KCNQ5: variants seen among roughly 807,000 people sequenced by gnomAD.
KCNQ5 encodes potassium voltage-gated channel subfamily KQT member 5.
A neutral mutation model predicts 98.2 loss-of-function variants in KCNQ5; 30 were observed. The observed-to-expected ratio is 0.31, with a 90% CI of 0.23 to 0.41. The LOEUF (loss-of-function observed/expected upper bound fraction) is 0.41. KCNQ5 is among the 10% of genes least tolerant of loss of function. The pLI is 1.00. For synonymous variants in KCNQ5, 458 were observed against 449.4 expected, an observed-to-expected ratio of 1.02 and a Z score of -0.24; for missense variants, 835 against 1,182.5, an observed-to-expected ratio of 0.71 and a Z score of 4.31.
At chr6:72,678,586 C>T (rs952874611) in intron 1 of KCNQ5, 3 of 152,046 alleles carry the variant, frequency 2.0e-5, no homozygotes, top group East Asian at 3.9e-4. Context: ...ATAAAAATTA[C>T]ATTATTCCAT....
At chr6:72,857,897 A>G (rs1777597423) in intron 1 of KCNQ5, among the ~76,000 whole-genome samples, 1 of 152,250 alleles carries the variant, frequency 6.6e-6, no homozygotes, top group Non-Finnish European at 1.5e-5. Context: ...CATTTCTTGA[A>G]TGCCTACTAT....
intron 1 of KCNQ5, among the ~76,000 whole-genome samples, chr6:72,750,041 G>A (rs184256083): frequency 6.4e-4 from 98 of 152,108 alleles, no homozygotes; most frequent in African/African-American, 2.2e-3. Flanking sequence ...TCATAAAACC[G>A]TGGTCTGTAT....
intron 1 of KCNQ5, among the ~76,000 whole-genome samples, chr6:72,907,336 A>G (rs1427740422): frequency 6.6e-6 from 1 of 152,198 alleles, no homozygotes; most frequent in Non-Finnish European, 1.5e-5. Context: ...AATAAATAAT[A>G]AAAGTCCATC....
intron 9 of KCNQ5, among the ~76,000 whole-genome samples, chr6:73,126,468 A>G (rs1259248130): frequency 6.6e-6 from 1 of 152,246 alleles, no homozygotes; most frequent in Non-Finnish European, 1.5e-5. Flanking sequence ...GCTTCTGCTC[A>G]CTAGTCCAAA....
At chr6:72,704,100 C>T (rs1193791372) in intron 1 of KCNQ5, among the ~76,000 whole-genome samples, 3 of 152,098 alleles carry the variant, frequency 2.0e-5, no homozygotes, top group East Asian at 3.8e-4. Context: ...GAATTTTTAA[C>T]AACAGTTTCT....
At chr6:72,899,118 A>G (rs985411541) in intron 1 of KCNQ5, among the ~76,000 whole-genome samples, 2 of 152,058 alleles carry the variant, frequency 1.3e-5, no homozygotes, top group East Asian at 1.9e-4. Flanking sequence ...TTTTCCCATT[A>G]TGTAGGTTGC....
intron 1 of KCNQ5, among the ~76,000 whole-genome samples, chr6:72,855,744 A>G (rs961222115): frequency 6.6e-6 from 1 of 152,208 alleles, no homozygotes; most frequent in Non-Finnish European, 1.5e-5. Flanking sequence ...AGAAATAATG[A>G]GTGCTACCAG....
chr6:72,868,456 A>G (rs867262), intron 1 of KCNQ5, among the ~76,000 whole-genome samples: 13,828 of 152,212 alleles, frequency 0.091, 1,189 homozygotes, highest in African/African-American at 0.21. Flanking sequence ...ACACAGGCCT[A>G]TTAACCAGAG....
intron 5 of KCNQ5, among the ~76,000 whole-genome samples, chr6:73,098,931 A>G (rs77699824): frequency 0.02 from 2,983 of 152,298 alleles, 219 homozygotes; most frequent in Admixed American, 0.12. Context: ...AAAAATAACT[A>G]CAACAGCTTT....
intron 1 of KCNQ5, among the ~76,000 whole-genome samples, chr6:72,785,005 A>G (rs985132161): frequency 2.0e-5 from 3 of 152,332 alleles, no homozygotes; most frequent in African/African-American, 7.2e-5. Flanking sequence ...TTTAAAAATG[A>G]TCAAAGATTA....
intron 1 of KCNQ5, among the ~76,000 whole-genome samples, chr6:72,697,448 C>A (rs1259318938): frequency 1.3e-5 from 2 of 152,040 alleles, no homozygotes; most frequent in Non-Finnish European, 2.9e-5. Context: ...AGATTTATTC[C>A]TAGATTTAAA....
intron 1 of KCNQ5, among the ~76,000 whole-genome samples, chr6:72,679,614 C>T (rs1338191256): frequency 1.3e-5 from 2 of 151,398 alleles, no homozygotes; most frequent in Non-Finnish European, 2.9e-5. Flanking sequence ...AGGAGATATA[C>T]CTAATGCTAA....
intron 5 of KCNQ5, among the ~76,000 whole-genome samples, chr6:73,088,605 A>AC: frequency 6.6e-6 from 1 of 152,220 alleles, no homozygotes; most frequent in Non-Finnish European, 1.5e-5. Context: ...TGATTCTAAA[A>AC]CCCAAATCTC....
chr6:73,102,858 A>G (rs1488275418), intron 5 of KCNQ5, among the ~76,000 whole-genome samples: 2 of 152,192 alleles, frequency 1.3e-5, no homozygotes, highest in Non-Finnish European at 2.9e-5. Flanking sequence ...GGGAATGTAA[A>G]TTAGTATAAT....
At chr6:72,634,690 C>G (rs926524270) in intron 1 of KCNQ5, among the ~76,000 whole-genome samples, 2 of 151,898 alleles carry the variant, frequency 1.3e-5, no homozygotes, top group Non-Finnish European at 2.9e-5. Flanking sequence ...CTCAGCCTCC[C>G]GAGTAGCTGG....
intron 1 of KCNQ5, among the ~76,000 whole-genome samples, chr6:72,958,132 C>T (rs1056482238): frequency 6.6e-6 from 1 of 151,900 alleles, no homozygotes; most frequent in African/African-American, 2.4e-5. Context: ...AATTCTGACT[C>T]ATGTTACATG....
At chr6:73,150,778 ATTAT>A (rs1178131005) in intron 10 of KCNQ5, among the ~76,000 whole-genome samples, 2 of 150,776 alleles carry the variant, frequency 1.3e-5, no homozygotes, top group Non-Finnish European at 3.0e-5. Context: ...CATATCATTA[ATTAT>A]TAAGTATTAC....
chr6:72,785,167 T>A lies in KCNQ5; in HGVS notation c.398+162580T>A, dbSNP rs986158170. On this transcript the variant is annotated intron_variant, in intron 1 of 13. Coordinates refer to ENST00000370398, the MANE Select transcript of KCNQ5 (RefSeq NM_019842.4). ...TCGTTGAAGACAAACAGAAAAAAAA[T>A]ATTTTAGAATTAACACAGAGTATTT... Among the ~76,000 whole-genome samples, 9 of 151,970 alleles carry A rather than the reference T, an allele frequency of 5.9e-5. No homozygotes were observed. In the East Asian group the frequency reaches 1.7e-3, roughly 30 times the overall value.
At chr6:72,751,430 G>GA (rs528993215) in intron 1 of KCNQ5, among the ~76,000 whole-genome samples, 144 of 151,786 alleles carry the variant, frequency 9.5e-4, no homozygotes, top group African/African-American at 3.3e-3. Context: ...GAGGGACCAA[G>GA]AAAAAAACAT....
Sources: allele counts gnomAD v4.1 joint callset (sites outside exome capture counted in the v4.1 genomes callset), GRCh38; gene constraint gnomAD v4.1.1; transcripts MANE v1.5; gene names NCBI Gene and HGNC (gene_info 2026-07-23, HGNC 2026-07-21).